The following RGS6 variants were observed in gnomAD, a reference collection of about 807,000 sequenced individuals.
The protein encoded by RGS6 is regulator of G-protein signaling 6.
A neutral mutation model predicts 78.5 loss-of-function variants in RGS6; 30 were observed. The observed-to-expected ratio is 0.38, with a 90% CI of 0.29 to 0.52. The LOEUF (loss-of-function observed/expected upper bound fraction) is 0.52. Ranked by LOEUF, RGS6 falls within the 20% of genes least tolerant of loss-of-function variation. The pLI is 0.85. For synonymous variants in RGS6, 206 were observed against 206.0 expected, an observed-to-expected ratio of 1.00 and a Z score of 0.00; for missense variants, 495 against 609.7, an observed-to-expected ratio of 0.81 and a Z score of 1.98.
At chr14:72,419,485 G>A (rs935795447) in intron 3 of RGS6, among the ~76,000 whole-genome samples, 3 of 152,204 alleles carry the variant, frequency 2.0e-5, no homozygotes, top group African/African-American at 7.2e-5. Context: ...GACAGTGCGG[G>A]TATACCAGGA....
At chr14:72,410,535 G>A (rs1473062642) in intron 3 of RGS6, among the ~76,000 whole-genome samples, 1 of 152,120 alleles carries the variant, frequency 6.6e-6, no homozygotes. Flanking sequence ...TCACTCTGAT[G>A]GTGGTTTCTT....
chr14:72,235,761 G>T (rs999583658), intron 2 of RGS6, among the ~76,000 whole-genome samples: 1 of 152,194 alleles, frequency 6.6e-6, no homozygotes, highest in African/African-American at 2.4e-5. Flanking sequence ...TATGTATTCT[G>T]CATATTTTGT....
At chr14:72,383,576 A>G (rs1452491372) in intron 3 of RGS6, among the ~76,000 whole-genome samples, 1 of 152,146 alleles carries the variant, frequency 6.6e-6, no homozygotes, top group Non-Finnish European at 1.5e-5. Flanking sequence ...AGGCATAAAC[A>G]GACAGTATTT....
At chr14:72,068,661 T>C (rs1597040352) in intron 2 of RGS6, among the ~76,000 whole-genome samples, 1 of 151,818 alleles carries the variant, frequency 6.6e-6, no homozygotes, top group Admixed American at 6.6e-5. Flanking sequence ...CACACCCGGC[T>C]AATTTTTGCA....
chr14:72,501,147 C>T (rs1005707814), intron 13 of RGS6, among the ~76,000 whole-genome samples: 4 of 151,922 alleles, frequency 2.6e-5, no homozygotes, highest in African/African-American at 9.7e-5. Flanking sequence ...CAGGCAGGCT[C>T]GTTATGATTT....
chr14:72,402,069 C>T (rs2092458882), intron 3 of RGS6, among the ~76,000 whole-genome samples: 2 of 152,188 alleles, frequency 1.3e-5, no homozygotes, highest in African/African-American at 4.8e-5. Context: ...GGAGCCCAGC[C>T]AATCCGTGGG....
the RGS6 span, among the ~76,000 whole-genome samples, chr14:71,916,857 T>C: frequency 6.6e-6 from 1 of 152,100 alleles, no homozygotes; most frequent in Non-Finnish European, 1.5e-5. Context: ...TGCATCAGGA[T>C]CCCTGGATGC....
the RGS6 span, among the ~76,000 whole-genome samples, chr14:72,595,467 TAAAC>T: frequency 1.3e-3 from 201 of 151,788 alleles, no homozygotes; most frequent in African/African-American, 4.7e-3. Flanking sequence ...CCTCTTAGTT[TAAAC>T]AAACAAACAA....
chr14:72,383,127 T>C (rs1435547580), intron 3 of RGS6, among the ~76,000 whole-genome samples: 1 of 147,202 alleles, frequency 6.8e-6, no homozygotes, highest in African/African-American at 2.5e-5. Context: ...TTCAAGAGTT[T>C]ACAGTTATAT....
intron 6 of RGS6, among the ~76,000 whole-genome samples, chr14:72,462,812 G>A (rs1393508724): frequency 6.6e-6 from 1 of 152,144 alleles, no homozygotes. Context: ...CTGTAAATGA[G>A]GGGCCTGTAC....
intron 2 of RGS6, among the ~76,000 whole-genome samples, chr14:72,236,919 G>A (rs775590541): frequency 1.8e-4 from 28 of 152,298 alleles, no homozygotes; most frequent in Admixed American, 2.0e-4. Context: ...ACGGGGCGGC[G>A]GCATTCTTAC....
intron 2 of RGS6, among the ~76,000 whole-genome samples, chr14:72,307,199 T>C (rs192506547): frequency 3.9e-5 from 6 of 152,340 alleles, no homozygotes; most frequent in Admixed American, 2.0e-4. Flanking sequence ...AAATAAGGTA[T>C]ATACATTGTT....
intron 15 of RGS6, among the ~76,000 whole-genome samples, chr14:72,531,416 A>G (rs1181357561): frequency 1.3e-5 from 2 of 149,540 alleles, no homozygotes; most frequent in Non-Finnish European, 3.0e-5. Context: ...CCTGAGTGAC[A>G]GCAAGACTTT....
At chr14:71,932,239 C>A (rs1295759122), upstream of RGS6, among the ~76,000 whole-genome samples, 1 of 152,022 alleles carries the variant, frequency 6.6e-6, no homozygotes, top group Admixed American at 6.5e-5. Context: ...AACAGGTGAG[C>A]CGTGCGGCGG....
intron 1 of RGS6, among the ~76,000 whole-genome samples, chr14:71,944,345 G>A (rs2091144564): frequency 6.6e-6 from 1 of 152,194 alleles, no homozygotes; most frequent in South Asian, 2.1e-4. Flanking sequence ...ACGAGGTTCA[G>A]TCACTTGCCC....
At chr14:72,513,598 C>T (rs2096905194) in intron 14 of RGS6, among the ~76,000 whole-genome samples, 1 of 152,204 alleles carries the variant, frequency 6.6e-6, no homozygotes, top group South Asian at 2.1e-4. Flanking sequence ...GCAGGGGCCT[C>T]ACAGCTCTGA....
chr14:72,047,572 C>T lies in RGS6; in HGVS notation c.84+82697C>T, dbSNP rs189087918. On this transcript the variant is annotated intron_variant, in intron 2 of 17. Transcript: ENST00000553525. The stretch of plus-strand genomic sequence containing the variant: ...GCACAGGAGAAGTAAGTGATGACTG[C>T]GAACACAGGCTGGACAAAGATCACT... 9.2e-5 allele frequency among the ~76,000 whole-genome samples: 14 copies of T among 152,246 alleles called. No individual in the cohort carries two copies. In the East Asian group the frequency reaches 1.4e-3, roughly 15 times the overall value.
intron 2 of RGS6, among the ~76,000 whole-genome samples, chr14:72,161,787 C>T (rs1208192799): frequency 4.6e-5 from 7 of 152,246 alleles, no homozygotes; most frequent in African/African-American, 1.7e-4. Flanking sequence ...AAACTGGACA[C>T]ATCCATCAAC....
At chr14:72,148,099 C>A (rs1297587696) in intron 2 of RGS6, among the ~76,000 whole-genome samples, 1 of 145,740 alleles carries the variant, frequency 6.9e-6, no homozygotes, top group Non-Finnish European at 1.5e-5. Flanking sequence ...CCACTGCACT[C>A]CAGCCTGGGT....
Sources: gnomAD v4.1 joint callset for allele counts (sites outside exome capture counted in the v4.1 genomes callset) on GRCh38, gnomAD v4.1.1 for gene constraint, MANE v1.5 for transcripts, NCBI Gene and HGNC (gene_info 2026-07-23, HGNC 2026-07-21) for gene names.